TMCC1: variants seen among roughly 807,000 people sequenced by gnomAD.
TMCC1 encodes the protein transmembrane and coiled-coil domains protein 1.
In TMCC1, 15 loss-of-function variants were observed where a neutral mutation model predicts 52.4. The observed-to-expected ratio is 0.29, with a 90% CI of 0.19 to 0.44. The LOEUF is 0.44. Ranked by LOEUF, TMCC1 falls within the 20% of genes least tolerant of loss-of-function variation. TMCC1 has a pLI of 1.00. For missense variants in TMCC1, 503 were observed against 806.0 expected, an observed-to-expected ratio of 0.62 and a Z score of 4.55; for synonymous variants, 279 against 301.9, an observed-to-expected ratio of 0.92 and a Z score of 0.79.
At chr3:129,803,497 T>C (rs1251365503) in intron 4 of TMCC1, among the ~76,000 whole-genome samples, 1 of 152,242 alleles carries the variant, frequency 6.6e-6, no homozygotes, top group Non-Finnish European at 1.5e-5. Flanking sequence ...GATGGTACAT[T>C]TGTTATGTGT....
At chr3:129,801,801 G>T (rs1459896544) in intron 4 of TMCC1, among the ~76,000 whole-genome samples, 1 of 152,182 alleles carries the variant, frequency 6.6e-6, no homozygotes, top group African/African-American at 2.4e-5. Context: ...CTACACTCAA[G>T]ATTCGGCCTA....
At chr3:129,684,915 C>CT (rs1197328705) in intron 4 of TMCC1, among the ~76,000 whole-genome samples, 2 of 152,060 alleles carry the variant, frequency 1.3e-5, no homozygotes, top group Admixed American at 6.6e-5. Context: ...ATTATTTTTT[C>CT]TTTATGTAAA....
In TMCC1 at chr3:129,885,950, C is replaced by T. The variant is rs554475292; in HGVS notation, c.-434-5391G>A. 1.2e-3 allele frequency among the ~76,000 whole-genome samples: 181 copies of T among 150,494 alleles called. 3 individuals are homozygous for T. The highest frequency in any genetic ancestry group is 6.9e-3 in the Middle Eastern group (2 of 288). On this transcript the variant is annotated intron_variant, in intron 1 of 6. Transcript: ENST00000393238. Reference sequence around the variant, plus strand: ...TAGAGACAGGGTTTCACCATGTTGGCCAGGATGGTCTCGATCTCTTGACCT... The same window carrying T: ...TAGAGACAGGGTTTCACCATGTTGGTCAGGATGGTCTCGATCTCTTGACCT...
rs2086333901 is a variant in TMCC1 at position 129,651,694 on chromosome 3, C to G, written c.1749G>C (p.Arg583=). Residue 583 remains arginine (R), a synonymous_variant, in exon 7 of 7, where the codon CGG becomes CGC. Transcript: ENST00000393238. The surrounding 1 kb of genome is among the most constrained non-coding windows in gnomAD (Gnocchi z 5.1). ...TGTTGATGAGTTTGCCCAGAAGGTT[C>G]CGGGCAGTGGCATTCTCCAGCCCTT... ...QLEGLENATA[R]NLLGKLINIL... 2 of 1,614,218 alleles carry G rather than the reference C, an allele frequency of 1.2e-6. No homozygotes were observed. The highest frequency in any genetic ancestry group is 1.7e-6 in the Non-Finnish European group (2 of 1,180,030).
Position 129,880,289 on chromosome 3 carries a change from T to C in TMCC1, c.-184+20A>G, listed in dbSNP as rs1002090649. 12 of 152,152 alleles carry C rather than the reference T, an allele frequency of 7.9e-5. No individual in the cohort carries two copies. The highest frequency in any genetic ancestry group is 2.7e-4 in the African/African-American group (11 of 41,446). 9.4% of individuals were successfully genotyped at this position (152,152 alleles called of 1,614,324 possible). On this transcript the variant is annotated intron_variant, in intron 2 of 6. Transcript: ENST00000393238. ...GTGCCTGGGTGATGTGATTTTGCAG[T>C]AGAAGAAAAAACGACATACCTCCTC... is the stretch of plus-strand genomic sequence containing the variant.
intron 2 of TMCC1, among the ~76,000 whole-genome samples, chr3:129,845,736 G>A (rs2059635624): frequency 6.6e-6 from 1 of 152,114 alleles, no homozygotes; most frequent in East Asian, 1.9e-4. Flanking sequence ...TGTCCCCAAA[G>A]AGCCTAAGTG....
intron 4 of TMCC1, among the ~76,000 whole-genome samples, chr3:129,737,835 T>C (rs2051110070): frequency 6.6e-6 from 1 of 152,208 alleles, no homozygotes; most frequent in Non-Finnish European, 1.5e-5. Context: ...TATTCAATGA[T>C]ATTAAAAAGT....
At chr3:129,738,654 T>C (rs1217833014) in intron 4 of TMCC1, among the ~76,000 whole-genome samples, 1 of 152,174 alleles carries the variant, frequency 6.6e-6, no homozygotes, top group African/African-American at 2.4e-5. Flanking sequence ...GTGAACACTT[T>C]TGAGTTTTCT....
intron 4 of TMCC1, among the ~76,000 whole-genome samples, chr3:129,788,481 T>C (rs1560420817): frequency 6.6e-6 from 1 of 152,118 alleles, no homozygotes; most frequent in Non-Finnish European, 1.5e-5. Context: ...TTTATTTTTT[T>C]AGACAGAGTG....
intron 1 of TMCC1, among the ~76,000 whole-genome samples, chr3:129,885,625 ATT>A (rs1438247880): frequency 1.3e-5 from 2 of 152,182 alleles, no homozygotes; most frequent in East Asian, 3.9e-4. Context: ...ATGCTATTCT[ATT>A]ATAGTTCAAA....
intron 4 of TMCC1, among the ~76,000 whole-genome samples, chr3:129,778,037 T>C (rs1358668257): frequency 6.6e-6 from 1 of 152,208 alleles, no homozygotes; most frequent in African/African-American, 2.4e-5. Context: ...TCCAGTGATA[T>C]CTTCCGGCCA....
chr3:129,779,800 T>C (rs1473036680), intron 4 of TMCC1, among the ~76,000 whole-genome samples: 1 of 152,196 alleles, frequency 6.6e-6, no homozygotes, highest in African/African-American at 2.4e-5. Context: ...GGTCACTGAA[T>C]AGTTTCAACA....
Position 129,650,026 on chromosome 3 carries a change from A to T in TMCC1, c.*1455T>A, listed in dbSNP as rs775452602. The T allele has an allele frequency of 6.6e-6, 1 of 152,624 alleles. No individual in the cohort carries two copies. Among genetic ancestry groups the T allele is most frequent in the Non-Finnish European group, 1.5e-5 (1 of 68,042 alleles). The allele number at this position is 152,624 out of a possible 1,614,324, so 9.5% of individuals were successfully genotyped here. A position where few individuals can be genotyped will look rare whatever the true frequency, so the allele number is the denominator to read the frequency against. ...CCAAAACTTGGGTCCTGCTAACCTGACATTTCCTTCACTGCTCTTTAGGAG... is the reference window on the plus strand; with the variant it reads ...CCAAAACTTGGGTCCTGCTAACCTGTCATTTCCTTCACTGCTCTTTAGGAG... On this transcript the variant is annotated 3_prime_UTR_variant, in exon 7 of 7. Transcript: ENST00000393238.
intron 4 of TMCC1, among the ~76,000 whole-genome samples, chr3:129,695,142 A>C (rs200051851): frequency 1.4e-5 from 2 of 139,020 alleles, no homozygotes; most frequent in African/African-American, 5.3e-5. Context: ...ATTAATAATA[A>C]CCTTTGAAAA....
At chr3:129,677,924 G>A (rs962903201) in intron 4 of TMCC1, among the ~76,000 whole-genome samples, 1 of 152,124 alleles carries the variant, frequency 6.6e-6, no homozygotes. Context: ...CCAACAGTCG[G>A]TTCATTTTTT....
chr3:129,735,644 T>TC (rs1236845590), intron 4 of TMCC1, among the ~76,000 whole-genome samples: 2 of 42,748 alleles, frequency 4.7e-5, no homozygotes, highest in African/African-American at 1.5e-4. Flanking sequence ...GCCAAGACTC[T>TC]CTTAAAAAAA....
At chr3:129,769,644 A>G (rs2054395615) in intron 4 of TMCC1, among the ~76,000 whole-genome samples, 1 of 150,606 alleles carries the variant, frequency 6.6e-6, no homozygotes, top group South Asian at 2.1e-4. Context: ...TGGTGTAGGG[A>G]AGTCAAAAGA....
At chr3:129,823,068 G>C (rs2107821717) in intron 4 of TMCC1, among the ~76,000 whole-genome samples, 1 of 152,316 alleles carries the variant, frequency 6.6e-6, no homozygotes, top group Non-Finnish European at 1.5e-5. Context: ...GCTCAGGCCT[G>C]TAATCTCAGC....
At chr3:129,697,500 G>A (rs2047502165) in intron 4 of TMCC1, among the ~76,000 whole-genome samples, 3 of 152,174 alleles carry the variant, frequency 2.0e-5, no homozygotes, top group Non-Finnish European at 4.4e-5. Flanking sequence ...TCTGTGACAT[G>A]CCCTGGAGAC....
Sources: allele counts gnomAD v4.1 joint callset (sites outside exome capture counted in the v4.1 genomes callset), GRCh38; gene constraint gnomAD v4.1.1; non-coding constraint Gnocchi (gnomAD v3.1); transcripts MANE v1.5; gene names NCBI Gene and HGNC (gene_info 2026-07-23, HGNC 2026-07-21).